CUL2: variants seen among roughly 807,000 people sequenced by gnomAD.
CUL2 encodes the protein cullin 2.
Under a neutral mutation model 110.2 loss-of-function variants are expected in CUL2, and 22 were observed. The ratio of observed to expected loss-of-function variants is 0.20; its 90% CI spans 0.14 to 0.28. The LOEUF is 0.28. Ranked by LOEUF, CUL2 falls within the 10% of genes least tolerant of loss-of-function variation. The probability of loss-of-function intolerance (pLI) is 1.00; values close to 1 mark genes in which losing one functional copy is unlikely to be tolerated. For missense variants in CUL2, 631 were observed against 905.5 expected, an observed-to-expected ratio of 0.70 and a Z score of 3.89; for synonymous variants, 279 against 293.2, an observed-to-expected ratio of 0.95 and a Z score of 0.49.
At chr10:35,039,176 C>A in intron 8 of CUL2, 94 bp from the exon 9 acceptor site, 1 of 648,300 alleles carries the variant, frequency 1.5e-6, no homozygotes. Context: ...ATTTTAATGG[C>A]TGAATTAAAC....
chr10:35,031,219 T>C lies in CUL2; in HGVS notation c.1386+81A>G. On this transcript the variant is annotated intron_variant, in intron 14 of 20. Coordinates refer to ENST00000374749, the MANE Select transcript of CUL2 (RefSeq NM_003591.4). This position sits in a 1 kb window ranked among gnomAD's most constrained non-coding sequence, Gnocchi z 4.4. ...AACCAGATGAATTGTTTCCTGTTAC[T>C]GTACACAATGCTGCAATGAACATCT... 2.4e-6 allele frequency: 2 copies of C among 849,146 alleles called. No individual in the cohort carries two copies. The highest frequency in any genetic ancestry group is 1.9e-6 in the Non-Finnish European group (1 of 536,738). 52.6% of individuals were successfully genotyped at this position (849,146 alleles called of 1,614,324 possible).
chr10:35,019,271 G>A (rs995984400), intron 17 of CUL2, among the ~76,000 whole-genome samples: 9 of 152,132 alleles, frequency 5.9e-5, no homozygotes, highest in East Asian at 1.9e-4. Flanking sequence ...GTCTTCTGCC[G>A]TCTTTCAGCA....
intron 1 of CUL2, among the ~76,000 whole-genome samples, chr10:35,103,673 T>A (rs1272148931): frequency 1.3e-5 from 2 of 152,070 alleles, no homozygotes; most frequent in African/African-American, 4.8e-5. Context: ...TAGCCCAGGC[T>A]GGTCTCGAAC....
chr10:35,043,305 A>G (rs533294697), intron 8 of CUL2, among the ~76,000 whole-genome samples: 1 of 151,626 alleles, frequency 6.6e-6, no homozygotes, highest in East Asian at 1.9e-4. Flanking sequence ...GGCTTCAACA[A>G]AAGTCTAAGG....
intron 1 of CUL2, among the ~76,000 whole-genome samples, chr10:35,119,090 T>C (rs1431134468): frequency 6.6e-6 from 1 of 152,218 alleles, no homozygotes. Context: ...CGTGTTCCTT[T>C]TATCTAACAT....
intron 8 of CUL2, among the ~76,000 whole-genome samples, chr10:35,039,512 G>A (rs1588982886): frequency 6.6e-6 from 1 of 152,188 alleles, no homozygotes; most frequent in Non-Finnish European, 1.5e-5. Context: ...TTCTCTTCTT[G>A]TAAATGGAAC....
chr10:35,012,053 CTTTT>C (rs5784438), intron 19 of CUL2, 89 bp from the exon 20 acceptor site: 2,250 of 471,846 alleles, frequency 4.8e-3, no homozygotes, highest in South Asian at 7.0e-3. Context: ...AGTGCAAATA[CTTTT>C]TTTTTTTTTT....
intron 1 of CUL2, among the ~76,000 whole-genome samples, chr10:35,075,676 ACACACACG>A (rs1468051934): frequency 2.8e-5 from 4 of 144,020 alleles, no homozygotes; most frequent in East Asian, 4.2e-4. Context: ...ACACACACAC[ACACACACG>A]CACGCTCCAC....
At chr10:35,050,335 A>AC (rs897163537) in intron 5 of CUL2, among the ~76,000 whole-genome samples, 20 of 152,102 alleles carry the variant, frequency 1.3e-4, no homozygotes, top group African/African-American at 4.8e-4. Flanking sequence ...AAAAAAAAAA[A>AC]AAACTTAATT....
At chr10:35,038,250 G>T (rs1348661974) in intron 9 of CUL2, among the ~76,000 whole-genome samples, 2 of 151,546 alleles carry the variant, frequency 1.3e-5, no homozygotes, top group Non-Finnish European at 1.5e-5. Flanking sequence ...GAGAGGCCGG[G>T]CGCAGTGGCT....
At chr10:35,109,528 A>C (rs1006816621) in intron 1 of CUL2, among the ~76,000 whole-genome samples, 19 of 152,250 alleles carry the variant, frequency 1.2e-4, no homozygotes, top group African/African-American at 4.6e-4. Context: ...GTATAATTGA[A>C]TAAAGTGATG....
At chr10:35,073,417 C>A (rs960991499) in intron 1 of CUL2, among the ~76,000 whole-genome samples, 3 of 151,978 alleles carry the variant, frequency 2.0e-5, no homozygotes, top group Admixed American at 6.6e-5. Context: ...ACTTGTATAG[C>A]CCTACAAATG....
In CUL2 at chr10:35,086,044, G is replaced by T. The variant is rs1375008853; in HGVS notation, c.-23+4135C>A. On this transcript the variant is annotated intron_variant, in intron 1 of 20. Coordinates refer to ENST00000374749, the MANE Select transcript of CUL2 (RefSeq NM_003591.4). ...TAAAAATAAAGAAACAAGCAGCCTG[G>T]CCAACATAGTGAAACCTTGTCTCTA... 4.6e-5 allele frequency among the ~76,000 whole-genome samples: 7 copies of T among 151,928 alleles called. No homozygotes were observed. In the East Asian group the frequency reaches 1.4e-3, roughly 29 times the overall value.
At chr10:35,043,712 C>A (rs900945053) in intron 8 of CUL2, among the ~76,000 whole-genome samples, 2 of 152,094 alleles carry the variant, frequency 1.3e-5, no homozygotes, top group African/African-American at 4.8e-5. Flanking sequence ...TCTTCTACTA[C>A]TGAGAAAATA....
chr10:35,037,196 A>G (rs1168564900), intron 9 of CUL2, among the ~76,000 whole-genome samples: 1 of 152,206 alleles, frequency 6.6e-6, no homozygotes, highest in East Asian at 1.9e-4. Flanking sequence ...TTGATTTTGT[A>G]TATGGTATCT....
intron 1 of CUL2, among the ~76,000 whole-genome samples, chr10:35,110,793 T>C (rs544981549): frequency 6.6e-6 from 1 of 152,080 alleles, no homozygotes; most frequent in Non-Finnish European, 1.5e-5. Flanking sequence ...ATTACACCAG[T>C]CATATGGGAT....
At chr10:35,084,154 A>G (rs1473676273) in intron 1 of CUL2, among the ~76,000 whole-genome samples, 3 of 152,170 alleles carry the variant, frequency 2.0e-5, no homozygotes, top group South Asian at 4.2e-4. Context: ...GCAGACACCT[A>G]TAGTCCCAGC....
intron 3 of CUL2, among the ~76,000 whole-genome samples, chr10:35,061,898 G>A (rs1031885813): frequency 1.3e-5 from 2 of 150,922 alleles, no homozygotes; most frequent in East Asian, 2.0e-4. Context: ...GTAAGCCACC[G>A]CACCAGGCCA....
chr10:35,110,299 C>A (rs959277587), intron 1 of CUL2, among the ~76,000 whole-genome samples: 1 of 152,220 alleles, frequency 6.6e-6, no homozygotes, highest in Non-Finnish European at 1.5e-5. Context: ...CACAGTGGCT[C>A]ATGCCTATAA....
Sources: allele counts gnomAD v4.1 joint callset (sites outside exome capture counted in the v4.1 genomes callset), GRCh38; gene constraint gnomAD v4.1.1; non-coding constraint Gnocchi (gnomAD v3.1); transcripts MANE v1.5; gene names NCBI Gene and HGNC (gene_info 2026-07-23, HGNC 2026-07-21).